The following RRP15 variants were observed in gnomAD, a reference collection of about 807,000 sequenced individuals.
The protein encoded by RRP15 is ribosomal RNA processing 15 homolog.
In RRP15, 18 loss-of-function variants were observed where a neutral mutation model predicts 27.1. The ratio of observed to expected loss-of-function variants is 0.66; its 90% CI spans 0.46 to 0.98. RRP15 has a LOEUF of 0.98. RRP15 is among the 50% of genes least tolerant of loss of function. The pLI is 0.00. For synonymous variants in RRP15, 107 were observed against 109.4 expected, an observed-to-expected ratio of 0.98 and a Z score of 0.14; for missense variants, 359 against 337.8, an observed-to-expected ratio of 1.06 and a Z score of -0.49.
chr1:218,322,749 C>T (rs560667881), intron 4 of RRP15, among the ~76,000 whole-genome samples: 2 of 152,210 alleles, frequency 1.3e-5, no homozygotes, highest in Non-Finnish European at 2.9e-5. Context: ...CCTTGGGTGT[C>T]GCTTCACCAG....
intron 4 of RRP15, among the ~76,000 whole-genome samples, chr1:218,325,203 C>G (rs185821182): frequency 6.6e-6 from 1 of 152,212 alleles, no homozygotes; most frequent in East Asian, 1.9e-4. Flanking sequence ...AGCATGCCGT[C>G]CCACGGAGTC....
At chr1:218,300,338 CGAG>C (rs3835516) in intron 1 of RRP15, among the ~76,000 whole-genome samples, 23,209 of 151,950 alleles carry the variant, frequency 0.15, 2,243 homozygotes, top group Non-Finnish European at 0.21. Context: ...TACTCATGCT[CGAG>C]GTTCATTTTT....
At position 218,294,725 on chromosome 1, in the gene RRP15, T is replaced by G. The variant is rs560530162; in HGVS notation, c.140-7569T>G. On this transcript the variant is annotated intron_variant, in intron 1 of 4. Coordinates refer to ENST00000366932, the MANE Select transcript of RRP15 (RefSeq NM_016052.4). The stretch of plus-strand genomic sequence containing the variant: ...AAATCATCGAGGTGACTCATTTAAC[T>G]TTCAGCTTCCCTCCCTTCCCAGAGG... Among the ~76,000 whole-genome samples, 228 of 152,266 alleles carry G rather than the reference T, an allele frequency of 1.5e-3. 1 individual carries two copies. The highest frequency in any genetic ancestry group is 2.4e-3 in the Non-Finnish European group (165 of 68,014).
chr1:218,323,404 CTTG>C (rs375312901), intron 4 of RRP15, among the ~76,000 whole-genome samples: 8 of 152,278 alleles, frequency 5.3e-5, no homozygotes, highest in African/African-American at 1.4e-4. Context: ...AGCTGGTGGT[CTTG>C]TTGTCTCTGG....
intron 4 of RRP15, among the ~76,000 whole-genome samples, chr1:218,320,833 AT>A (rs1418218372): frequency 1.3e-5 from 2 of 152,172 alleles, no homozygotes; most frequent in Non-Finnish European, 2.9e-5. Context: ...CTTACTGAAA[AT>A]TTTTAACAAC....
At chr1:218,295,786 A>C (rs975622366) in intron 1 of RRP15, among the ~76,000 whole-genome samples, 1 of 152,220 alleles carries the variant, frequency 6.6e-6, no homozygotes. Flanking sequence ...TCCAGAGTCT[A>C]TCTGTTTTGG....
chr1:218,305,991 T>C (rs888799097), intron 3 of RRP15, among the ~76,000 whole-genome samples: 1 of 152,154 alleles, frequency 6.6e-6, no homozygotes, highest in African/African-American at 2.4e-5. Flanking sequence ...GCCTATAGGG[T>C]TTCTTTGATA....
At chr1:218,290,562 G>A (rs1465818706) in intron 1 of RRP15, among the ~76,000 whole-genome samples, 2 of 152,160 alleles carry the variant, frequency 1.3e-5, no homozygotes, top group African/African-American at 4.8e-5. Flanking sequence ...CTGCCTGTTA[G>A]GCTCAAGCCA....
At chr1:218,315,075 A>G (rs2102507633) in intron 4 of RRP15, among the ~76,000 whole-genome samples, 1 of 151,960 alleles carries the variant, frequency 6.6e-6, no homozygotes, top group East Asian at 1.9e-4. Flanking sequence ...TAGGAAAAAG[A>G]GTTACTGGAA....
At chr1:218,317,309 T>A (rs1297128879) in intron 4 of RRP15, among the ~76,000 whole-genome samples, 1 of 152,234 alleles carries the variant, frequency 6.6e-6, no homozygotes, top group African/African-American at 2.4e-5. Flanking sequence ...TAATTCCACT[T>A]CCAATAGAAA....
chr1:218,291,771 A>C (rs148385009), intron 1 of RRP15, among the ~76,000 whole-genome samples: 5,025 of 152,050 alleles, frequency 0.033, 265 homozygotes, highest in African/African-American at 0.11. Flanking sequence ...ACCTCATGAT[A>C]CACCCACCTT....
chr1:218,292,247 T>G (rs1226883328), intron 1 of RRP15, among the ~76,000 whole-genome samples: 2 of 152,246 alleles, frequency 1.3e-5, no homozygotes, highest in African/African-American at 2.4e-5. Context: ...TATACTTTGT[T>G]GATTCATTAA....
intron 1 of RRP15, 32 bp downstream of exon 1, chr1:218,285,487 G>C (rs1349389549): frequency 6.2e-7 from 1 of 1,612,338 alleles, no homozygotes; most frequent in Non-Finnish European, 8.5e-7. Context: ...TTGGTGTCTG[G>C]GAGGAAAGGC....
At chr1:218,300,630 T>C (rs554862188) in intron 1 of RRP15, among the ~76,000 whole-genome samples, 1 of 152,192 alleles carries the variant, frequency 6.6e-6, no homozygotes, top group African/African-American at 2.4e-5. Flanking sequence ...TAAGCTGATA[T>C]AAAAAGGCTA....
intron 1 of RRP15, among the ~76,000 whole-genome samples, chr1:218,288,089 G>T (rs910859959): frequency 2.0e-5 from 3 of 152,150 alleles, no homozygotes; most frequent in Non-Finnish European, 4.4e-5. Context: ...ATTATAAAGG[G>T]CCTTGTGTAT....
Position 218,334,269 on chromosome 1 carries a change from G to C in RRP15, c.*3178G>C, listed in dbSNP as rs1656416316. On this transcript the variant is annotated 3_prime_UTR_variant, in exon 5 of 5. Transcript: ENST00000366932. ...TTCAATTGATTGCAAAATATACCTT[G>C]GAAACCCTTTGGATAGAACAGTTCA... is the stretch of plus-strand genomic sequence containing the variant. The C allele has an allele frequency of 6.6e-6, 1 of 152,098 alleles. No individual in the cohort carries two copies. Among genetic ancestry groups the C allele is most frequent in the South Asian group, 2.1e-4 (1 of 4,818 alleles). The allele number at this position is 152,098 out of a possible 1,614,324, so 9.4% of individuals were successfully genotyped here. A position where few individuals can be genotyped will look rare whatever the true frequency, so the allele number is the denominator to read the frequency against.
At chr1:218,329,303 C>T (rs898036340) in intron 4 of RRP15, among the ~76,000 whole-genome samples, 1 of 149,810 alleles carries the variant, frequency 6.7e-6, no homozygotes, top group Non-Finnish European at 1.5e-5. Context: ...ACCTGTAGTC[C>T]CAGCTACTCT....
intron 4 of RRP15, among the ~76,000 whole-genome samples, chr1:218,310,030 C>T (rs1467038425): frequency 6.6e-6 from 1 of 152,054 alleles, no homozygotes. Context: ...GGCAGGGTGG[C>T]AAAGGTGAGC....
intron 3 of RRP15, among the ~76,000 whole-genome samples, chr1:218,306,109 T>C (rs7541026): frequency 5.3e-5 from 8 of 152,326 alleles, no homozygotes; most frequent in African/African-American, 1.9e-4. Flanking sequence ...TTCCTCACCC[T>C]GGTCCTGTCA....
Sources: gnomAD v4.1 joint callset for allele counts (sites outside exome capture counted in the v4.1 genomes callset) on GRCh38, gnomAD v4.1.1 for gene constraint, MANE v1.5 for transcripts, NCBI Gene and HGNC (gene_info 2026-07-23, HGNC 2026-07-21) for gene names.